The following MDN1 variants were observed in gnomAD, a reference collection of about 807,000 sequenced individuals.
MDN1 encodes midasin AAA ATPase 1, also known as midasin.
MDN1 carries 266 observed loss-of-function variants against 669.2 expected under a neutral mutation model. That is an observed-to-expected ratio of 0.40 (90% CI 0.36 to 0.44). MDN1 has a LOEUF of 0.44. Ranked by LOEUF, MDN1 falls within the 20% of genes least tolerant of loss-of-function variation. The pLI is 1.00. For synonymous variants in MDN1, 2,385 were observed against 2,457.1 expected (o/e 0.97, Z 0.87); for missense variants, 5,940 against 6,754.0 (o/e 0.88, Z 4.22).
rs948526657 is a variant in MDN1 at position 89,652,280 on chromosome 6, G to A, written c.15827C>T (p.Pro5276Leu). Residue 5276 changes from proline to leucine, a missense_variant and splice_region_variant, in exon 95 of 102, where the codon CCC becomes CTC. Physicochemically the swap from Pro to Leu is moderately conservative, Grantham distance 98. This residue lies in a region of MDN1 where 2,280 missense variants were observed against 2,576.3 expected (regional missense o/e 0.88). Coordinates refer to ENST00000369393, the MANE Select transcript of MDN1 (RefSeq NM_014611.3). Reference sequence around the variant, plus strand: ...TAGCTCATTGACATCTTTTAAAAAGGGCTAAAAAGAAAAAGCCATAGATAA... The same window carrying A: ...TAGCTCATTGACATCTTTTAAAAAGAGCTAAAAAGAAAAAGCCATAGATAA... ...HQFLMDTIFQ[P>L]FLKDVNELRQ... The A allele has an allele frequency of 1.9e-6, 3 of 1,611,638 alleles. No homozygotes were observed. The African/African-American group carries it at 4.0e-5, about 22-fold the overall frequency.
At chr6:89,719,791 C>A (rs1304837233) in intron 40 of MDN1, among the ~76,000 whole-genome samples, 1 of 152,132 alleles carries the variant, frequency 6.6e-6, no homozygotes, top group Non-Finnish European at 1.5e-5. Flanking sequence ...AGCCAGTCAG[C>A]CTCCAAAAAA....
chr6:89,747,280 T>C (rs376952779), intron 27 of MDN1, 49 bp downstream of exon 27: 14 of 1,583,818 alleles, frequency 8.8e-6, no homozygotes, highest in African/African-American at 5.5e-5. Flanking sequence ...AATAAAAAGT[T>C]TGACATTTAA....
chr6:89,776,054 G>C (rs915345545), intron 12 of MDN1, among the ~76,000 whole-genome samples: 7 of 152,172 alleles, frequency 4.6e-5, no homozygotes, highest in Non-Finnish European at 8.8e-5. Context: ...TTAAGTTATA[G>C]ACAAAGGTAT....
chr6:89,754,174 TGGCC>T lies in MDN1; in HGVS notation c.2869_2872del (p.Gly957IlefsTer38), dbSNP rs1817112052. The T allele has an allele frequency of 6.2e-7, 1 of 1,614,140 alleles. No homozygotes were observed. The highest frequency in any genetic ancestry group is 1.3e-5 in the African/African-American group (1 of 75,064). On this transcript the variant is annotated frameshift_variant, in exon 21 of 102. Transcript: ENST00000369393. LOFTEE classifies it high-confidence loss of function. Reference sequence around the variant, plus strand: ...AGTCCGAAGGCTGTAGTGAGGTCTATGGCCAGTGCCATCCACCAGTTTGGTCCCA... The same window carrying T: ...AGTCCGAAGGCTGTAGTGAGGTCTATAGTGCCATCCACCAGTTTGGTCCCA...
chr6:89,690,019 A>G lies in MDN1; in HGVS notation c.10874T>C (p.Leu3625Pro), dbSNP rs1419432099. 6.2e-7 allele frequency: 1 copy of G among 1,614,218 alleles called. No individual in the cohort carries two copies. Among genetic ancestry groups the G allele is most frequent in the Middle Eastern group, 1.6e-4 (1 of 6,062 alleles). The change falls in exon 65 of 102, where the codon CTG becomes CCG. Residue 3625 changes from leucine to proline, a missense_variant. This residue lies in a region of MDN1 where 2,280 missense variants were observed against 2,576.3 expected (regional missense o/e 0.88). Transcript: ENST00000369393. Reference protein sequence around the residue: ...LSQNSMQAVMLIHQQLCLNFA... With the variant: ...LSQNSMQAVMPIHQQLCLNFA... ...GTTGAGACACAATTGCTGGTGTATC[A>G]GCATTACTGCCTGCATTGAATTCTG...
Position 89,758,313 on chromosome 6 carries a change from A to G in MDN1, c.2644T>C (p.Cys882Arg), listed in dbSNP as rs764434659. Residue 882 changes from cysteine to arginine, a missense_variant, in exon 19 of 102, where the codon TGT (cysteine) becomes CGT (arginine). Coordinates refer to ENST00000369393, the MANE Select transcript of MDN1 (RefSeq NM_014611.3). The part of the protein sequence containing the change: ...VRHPDFRLFA[C>R]MNPATDVGKR... The stretch of plus-strand genomic sequence containing the variant: ...CCTACATCAGTTGCTGGATTCATAC[A>G]GGCAAATAAACGGAAGTCAGGATGC... The G allele has an allele frequency of 1.2e-6, 2 of 1,611,974 alleles. No homozygotes were observed. The highest frequency in any genetic ancestry group is 1.7e-5 in the Admixed American group (1 of 59,868).
intron 62 of MDN1, 131 bp downstream of exon 62, chr6:89,693,943 A>G (rs1812548618): frequency 6.8e-6 from 5 of 733,676 alleles, no homozygotes; most frequent in Non-Finnish European, 1.2e-5. Flanking sequence ...CTGACTATAA[A>G]CAATGCTTTG....
At chr6:89,662,527 T>A (rs959100829) in intron 86 of MDN1, among the ~76,000 whole-genome samples, 2 of 152,032 alleles carry the variant, frequency 1.3e-5, no homozygotes, top group African/African-American at 4.8e-5. Flanking sequence ...CTGGAAAAAA[T>A]CAGTGGCCTA....
At chr6:89,732,945 T>C (rs750125934) in intron 33 of MDN1, among the ~76,000 whole-genome samples, 170 bp from the exon 34 acceptor site, 8 of 152,212 alleles carry the variant, frequency 5.3e-5, no homozygotes, top group Non-Finnish European at 1.2e-4. Context: ...CCTGCAGCTT[T>C]GATCAAATTC....
intron 76 of MDN1, 36 bp from the exon 77 acceptor site, chr6:89,676,243 A>G (rs1811180178): frequency 1.9e-6 from 3 of 1,578,986 alleles, no homozygotes; most frequent in Non-Finnish European, 2.6e-6. Flanking sequence ...CTTAATTAAA[A>G]CCACGCTCTC....
chr6:89,763,817 A>G (rs1817675103), intron 15 of MDN1, among the ~76,000 whole-genome samples: 1 of 152,212 alleles, frequency 6.6e-6, no homozygotes, highest in Non-Finnish European at 1.5e-5. Context: ...CTGAGAGTCC[A>G]GTTCCAAAGA....
intron 1 of MDN1, among the ~76,000 whole-genome samples, chr6:89,808,284 T>C (rs1393606086): frequency 2.6e-5 from 4 of 152,168 alleles, no homozygotes; most frequent in South Asian, 4.1e-4. Flanking sequence ...TAGATGTGTC[T>C]AGATTTTGCT....
chr6:89,811,314 C>T (rs1007214935), intron 1 of MDN1, among the ~76,000 whole-genome samples: 3 of 152,164 alleles, frequency 2.0e-5, no homozygotes, highest in Admixed American at 6.6e-5. Context: ...AGGAAAACTA[C>T]ATAATCAGTT....
chr6:89,815,635 T>C (rs1768776445), intron 1 of MDN1, among the ~76,000 whole-genome samples: 1 of 152,054 alleles, frequency 6.6e-6, no homozygotes, highest in African/African-American at 2.4e-5. Flanking sequence ...GTGGGGAGAA[T>C]TGTTCCTTCT....
At chr6:89,738,644 T>G (rs1255703031) in intron 32 of MDN1, among the ~76,000 whole-genome samples, 189 bp from the exon 33 acceptor site, 3 of 152,172 alleles carry the variant, frequency 2.0e-5, no homozygotes, top group Admixed American at 2.0e-4. Context: ...CATGACACCT[T>G]CCAGTATCAT....
intron 2 of MDN1, among the ~76,000 whole-genome samples, chr6:89,798,208 A>T (rs1255298097): frequency 6.7e-6 from 1 of 150,014 alleles, no homozygotes; most frequent in East Asian, 2.0e-4. Flanking sequence ...AAAAAGAAAG[A>T]AAGTCAAGTT....
intron 13 of MDN1, among the ~76,000 whole-genome samples, chr6:89,773,207 T>C (rs902870561): frequency 1.3e-5 from 2 of 152,156 alleles, no homozygotes; most frequent in Non-Finnish European, 2.9e-5. Flanking sequence ...TTAAATCCAA[T>C]GACTGGTGTC....
intron 59 of MDN1, among the ~76,000 whole-genome samples, chr6:89,697,215 A>T (rs924768312): frequency 6.6e-6 from 1 of 152,230 alleles, no homozygotes; most frequent in African/African-American, 2.4e-5. Context: ...AGTCAAAATG[A>T]TGTTATTACA....
rs373526513 is a variant in MDN1, at chr6:89,655,857, C to T, written c.15397G>A (p.Gly5133Arg). 6 of 1,614,090 alleles carry T rather than the reference C, an allele frequency of 3.7e-6. No individual in the cohort carries two copies. In the South Asian group the frequency reaches 4.4e-5, roughly 12 times the overall value. ...TVDTDSHAEQ[G>R]PAQQPQAQVE... Reference sequence around the variant, plus strand: ...TGGGCCTGGGGCTGCTGAGCTGGCCCCTGCTCGGCATGGCTGTCCGTATCC... The same window carrying T: ...TGGGCCTGGGGCTGCTGAGCTGGCCTCTGCTCGGCATGGCTGTCCGTATCC... Residue 5133 changes from glycine to arginine, a missense_variant, in exon 92 of 102, where the codon GGG becomes AGG. Gly to Arg is a moderately radical substitution (Grantham distance 125). Coordinates refer to ENST00000369393, the MANE Select transcript of MDN1 (RefSeq NM_014611.3).
Sources: allele counts gnomAD v4.1 joint callset (sites outside exome capture counted in the v4.1 genomes callset), GRCh38; gene constraint gnomAD v4.1.1; regional missense constraint gnomAD v4.1.1; transcripts MANE v1.5; gene names NCBI Gene and HGNC (gene_info 2026-07-23, HGNC 2026-07-21).